Variants in OR9Q1 observed in about 807,000 individuals in gnomAD.
The protein encoded by OR9Q1 is olfactory receptor 9Q1.
For synonymous variants in OR9Q1, 153 were observed against 148.6 expected, an observed-to-expected ratio of 1.03 and a Z score of -0.22; for missense variants, 374 against 378.8, an observed-to-expected ratio of 0.99 and a Z score of 0.11.
intron 2 of OR9Q1, among the ~76,000 whole-genome samples, chr11:58,131,490 T>C (rs1225849717): frequency 1.3e-5 from 2 of 152,064 alleles, no homozygotes; most frequent in African/African-American, 2.4e-5. Context: ...AGGATGTATA[T>C]CACAGTGTCT....
intron 2 of OR9Q1, among the ~76,000 whole-genome samples, chr11:58,091,374 T>C (rs575487792): frequency 1.3e-5 from 2 of 152,198 alleles, no homozygotes; most frequent in Non-Finnish European, 2.9e-5. Context: ...AAAGAACTTA[T>C]TTGTTTCTGC....
At chr11:58,160,074 A>T (rs1439980138) in intron 2 of OR9Q1, among the ~76,000 whole-genome samples, 1 of 152,222 alleles carries the variant, frequency 6.6e-6, no homozygotes, top group East Asian at 1.9e-4. Context: ...TGTAGAACTC[A>T]GCCACCATTT....
At chr11:58,102,741 A>G (rs1442566989) in intron 2 of OR9Q1, among the ~76,000 whole-genome samples, 2 of 152,086 alleles carry the variant, frequency 1.3e-5, no homozygotes, top group Non-Finnish European at 2.9e-5. Context: ...TGCTCCAGAG[A>G]GGATCGGTTG....
At chr11:58,092,113 G>T (rs1217887141) in intron 2 of OR9Q1, among the ~76,000 whole-genome samples, 1 of 152,038 alleles carries the variant, frequency 6.6e-6, no homozygotes, top group Non-Finnish European at 1.5e-5. Context: ...GCCAGTCTGT[G>T]TCTCTTAATT....
intron 2 of OR9Q1, among the ~76,000 whole-genome samples, chr11:58,124,213 C>T (rs1041943078): frequency 3.3e-5 from 5 of 152,168 alleles, no homozygotes; most frequent in Admixed American, 1.3e-4. Flanking sequence ...ACCAACTCCC[C>T]GAACCCAGGA....
intron 1 of OR9Q1, among the ~76,000 whole-genome samples, chr11:58,053,612 A>AATATATATATATAAT (rs1565062045): frequency 2.1e-5 from 2 of 94,778 alleles, no homozygotes; most frequent in Admixed American, 1.2e-4. Context: ...AAAATTAAAA[A>AATATATATATATAAT]ATATATATAT....
chr11:58,151,711 G>T (rs543969108), intron 2 of OR9Q1, among the ~76,000 whole-genome samples: 1 of 152,208 alleles, frequency 6.6e-6, no homozygotes, highest in South Asian at 2.1e-4. Flanking sequence ...ACTGAGAAAA[G>T]ACATTTCTAG....
rs536987999 is a variant in OR9Q1, at chr11:58,070,177, T to A, written c.-15+14230T>A. ...CCACCATGCCTGCATAATTTTTGTA[T>A]TTTTTTTTTTTTTAGTGGTGATGGG... On this transcript the variant is annotated intron_variant, in intron 2 of 2. Transcript: ENST00000335397. 2.9e-4 allele frequency among the ~76,000 whole-genome samples: 31 copies of A among 107,126 alleles called. No individual in the cohort carries two copies. The East Asian group carries it at 7.1e-3, about 24-fold the overall frequency. 70.3% of individuals were successfully genotyped at this position (107,126 alleles called of 152,430 possible). A position where few individuals can be genotyped will look rare whatever the true frequency, so the allele number is the denominator to read the frequency against.
intron 2 of OR9Q1, chr11:58,119,380 T>A: frequency 6.2e-7 from 1 of 1,613,804 alleles, no homozygotes; most frequent in Non-Finnish European, 8.5e-7. Flanking sequence ...AATCTCCAAT[T>A]TGGGGTGGTC....
intron 1 of OR9Q1, among the ~76,000 whole-genome samples, chr11:58,053,649 A>ATATATATAT (rs1853296994): frequency 6.9e-6 from 1 of 144,816 alleles, no homozygotes; most frequent in African/African-American, 2.5e-5. Flanking sequence ...TATATAAATT[A>ATATATATAT]TATATATATA....
chr11:58,047,081 T>C, intron 1 of OR9Q1, among the ~76,000 whole-genome samples: 1 of 152,180 alleles, frequency 6.6e-6, no homozygotes, highest in East Asian at 1.9e-4. Flanking sequence ...GACAATTGTA[T>C]CTAATTTGTT....
At chr11:58,053,279 T>C (rs1853285899) in intron 1 of OR9Q1, among the ~76,000 whole-genome samples, 1 of 151,808 alleles carries the variant, frequency 6.6e-6, no homozygotes, top group South Asian at 2.1e-4. Flanking sequence ...TAAAAAATGA[T>C]GAGTTCATGT....
intron 2 of OR9Q1, among the ~76,000 whole-genome samples, chr11:58,065,133 G>A (rs932738642): frequency 4.6e-5 from 7 of 152,080 alleles, no homozygotes; most frequent in African/African-American, 9.7e-5. Flanking sequence ...TGGAGTGGAC[G>A]GGACACGTAA....
intron 2 of OR9Q1, among the ~76,000 whole-genome samples, chr11:58,094,117 A>T (rs11229255): frequency 1.3e-5 from 2 of 152,170 alleles, no homozygotes; most frequent in African/African-American, 2.4e-5. Context: ...AGCCATAAAA[A>T]GGATGAAGTC....
chr11:58,053,249 C>T (rs984045843), intron 1 of OR9Q1, among the ~76,000 whole-genome samples: 29 of 151,548 alleles, frequency 1.9e-4, no homozygotes, highest in Non-Finnish European at 2.9e-4. Context: ...ACATATTCAC[C>T]GTGGAATACT....
chr11:58,103,497 C>T (rs1339293355), intron 2 of OR9Q1, among the ~76,000 whole-genome samples: 1 of 151,916 alleles, frequency 6.6e-6, no homozygotes, highest in Non-Finnish European at 1.5e-5. Flanking sequence ...GAATTATTTT[C>T]CTGATTTTGT....
chr11:58,143,650 T>A (rs1854271849), intron 2 of OR9Q1, among the ~76,000 whole-genome samples: 1 of 151,804 alleles, frequency 6.6e-6, no homozygotes, highest in Admixed American at 6.6e-5. Flanking sequence ...AGATGAACAA[T>A]GAAAACACAT....
At position 58,122,778 on chromosome 11, in the gene OR9Q1, G is replaced by A. The variant is rs928683923; in HGVS notation, c.-14-56653G>A. On this transcript the variant is annotated intron_variant, in intron 2 of 2. Coordinates refer to ENST00000335397, the MANE Select transcript of OR9Q1 (RefSeq NM_001005212.4). ...CTGTTCCTCTTAAGTGTGCACTCCA[G>A]TGTATTCAAAATACATATCCTTCTA... Among the ~76,000 whole-genome samples the A allele has an allele frequency of 3.9e-5, 6 of 151,940 alleles. No individual in the cohort carries two copies. In the East Asian group the frequency reaches 5.8e-4, roughly 15 times the overall value.
At chr11:58,072,590 G>A (rs1853498567) in intron 2 of OR9Q1, 1 of 154,012 alleles carries the variant, frequency 6.5e-6, no homozygotes, top group Non-Finnish European at 1.5e-5. Flanking sequence ...TTGCTAATGA[G>A]CTTCAGACGG....
Sources: allele counts gnomAD v4.1 joint callset (sites outside exome capture counted in the v4.1 genomes callset), GRCh38; gene constraint gnomAD v4.1.1; transcripts MANE v1.5; gene names NCBI Gene and HGNC (gene_info 2026-07-23, HGNC 2026-07-21).